The following PCED1B variants were observed in gnomAD, a reference collection of about 807,000 sequenced individuals.
PCED1B encodes the protein PC-esterase domain containing 1B.
For synonymous variants in PCED1B, 251 were observed against 246.1 expected, an observed-to-expected ratio of 1.02 and a Z score of -0.19; for missense variants, 573 against 573.9, an observed-to-expected ratio of 1.00 and a Z score of 0.02.
At chr12:47,135,926 G>A (rs1940343989) in intron 2 of PCED1B, 1 of 199,612 alleles carries the variant, frequency 5.0e-6, no homozygotes, top group East Asian at 1.3e-4. Flanking sequence ...ACCAGCTGTG[G>A]TTGGGTTGCT....
At chr12:47,143,571 G>C (rs1235599665) in intron 2 of PCED1B, among the ~76,000 whole-genome samples, 1 of 152,042 alleles carries the variant, frequency 6.6e-6, no homozygotes, top group Non-Finnish European at 1.5e-5. Flanking sequence ...ATTGATGAAA[G>C]AAATAAGGAA....
intron 2 of PCED1B, chr12:47,210,310 A>ATG (rs1943038317): frequency 6.6e-6 from 1 of 152,216 alleles, no homozygotes; most frequent in African/African-American, 2.4e-5. Context: ...ATGATACCAA[A>ATG]ATATAAAGTG....
At chr12:47,096,797 C>T (rs1938499509) in intron 1 of PCED1B, among the ~76,000 whole-genome samples, 1 of 152,144 alleles carries the variant, frequency 6.6e-6, no homozygotes, top group South Asian at 2.1e-4. Context: ...GCTTCTATTA[C>T]ATATATTAGA....
At chr12:47,160,225 T>C (rs1215271457) in intron 2 of PCED1B, among the ~76,000 whole-genome samples, 2 of 151,934 alleles carry the variant, frequency 1.3e-5, no homozygotes, top group Non-Finnish European at 2.9e-5. Context: ...GTTCATGAAG[T>C]CCAATTTGTT....
intron 1 of PCED1B, among the ~76,000 whole-genome samples, chr12:47,094,526 AT>A (rs914277527): frequency 1.6e-4 from 24 of 149,704 alleles, no homozygotes; most frequent in Non-Finnish European, 2.1e-4. Context: ...TCTTTCCTCT[AT>A]TTTTTTAATT....
In PCED1B at chr12:47,089,461, CATATATATATATATATAT is replaced by C. The variant is rs1217283440; in HGVS notation, c.-609+9751_-609+9768del. Among the ~76,000 whole-genome samples, 15 of 63,414 alleles carry C rather than the reference CATATATATATATATATAT, an allele frequency of 2.4e-4. 1 individual carries two copies. The highest frequency in any genetic ancestry group is 8.7e-4 in the East Asian group (2 of 2,308). 41.6% of individuals were successfully genotyped at this position (63,414 alleles called of 152,430 possible). ...GACTCCATCTCAAAAAAAAAAAATACATATATATATATATATATATATATATATATATGTATATACCAA... is the reference window on the plus strand; with the variant it reads ...GACTCCATCTCAAAAAAAAAAAATACATATATATATATATGTATATACCAA... On this transcript the variant is annotated intron_variant, in intron 1 of 3. Transcript: ENST00000546455.
intron 3 of PCED1B, among the ~76,000 whole-genome samples, chr12:47,232,251 A>T (rs1943830810): frequency 6.6e-6 from 1 of 152,186 alleles, no homozygotes; most frequent in Admixed American, 6.5e-5. Flanking sequence ...TCAGTCTTCC[A>T]AAGTGCTGGG....
intron 2 of PCED1B, among the ~76,000 whole-genome samples, chr12:47,212,528 T>A (rs1943125049): frequency 6.6e-6 from 1 of 152,152 alleles, no homozygotes; most frequent in Admixed American, 6.6e-5. Flanking sequence ...ATTCAGACAG[T>A]TGCTCAATCT....
At chr12:47,168,328 C>G (rs1048887253) in intron 2 of PCED1B, among the ~76,000 whole-genome samples, 2 of 152,138 alleles carry the variant, frequency 1.3e-5, no homozygotes, top group Non-Finnish European at 2.9e-5. Flanking sequence ...CATTTATTCC[C>G]TGTAGGTTTT....
At chr12:47,233,786 G>T (rs1156451414) in intron 3 of PCED1B, among the ~76,000 whole-genome samples, 1 of 152,104 alleles carries the variant, frequency 6.6e-6, no homozygotes, top group African/African-American at 2.4e-5. Context: ...GTTGCTTTCT[G>T]CTCAAAATAA....
At chr12:47,194,900 GTTA>G (rs1249915207) in intron 2 of PCED1B, among the ~76,000 whole-genome samples, 3 of 152,118 alleles carry the variant, frequency 2.0e-5, no homozygotes, top group African/African-American at 7.2e-5. Flanking sequence ...CTTCTTTAAA[GTTA>G]TTATCTTCAT....
In PCED1B at chr12:47,182,103, C is replaced by T. The variant is rs187027954; in HGVS notation, c.-525-34119C>T. ...TTAGAAATCCTAAAACTGAAGAGCA[C>T]CAGTGAAACTTGAAGATGGTTCAGA... is the stretch of plus-strand genomic sequence containing the variant. On this transcript the variant is annotated intron_variant, in intron 2 of 3. Transcript: ENST00000546455. Among the ~76,000 whole-genome samples the T allele has an allele frequency of 7.9e-5, 12 of 152,310 alleles. No homozygotes were observed. The East Asian group carries it at 2.3e-3, about 29-fold the overall frequency.
In PCED1B at chr12:47,235,501, G is replaced by A; in HGVS notation, c.438G>A (p.Leu146=). The A allele has an allele frequency of 6.2e-7, 1 of 1,613,180 alleles. No homozygotes were observed. The highest frequency in any genetic ancestry group is 8.5e-7 in the Non-Finnish European group (1 of 1,179,394). The change falls in exon 4 of 4, where the codon CTG becomes CTA. Residue 146 remains leucine (L), a synonymous_variant. Transcript: ENST00000546455. ...WRSYLENLEN[L]FQCLGQVLPE... ...GCTACCTGGAGAACCTGGAGAACCT[G>A]TTCCAGTGCCTGGGCCAGGTGCTGC...
At chr12:47,090,241 G>A (rs1592129798) in intron 1 of PCED1B, among the ~76,000 whole-genome samples, 1 of 152,226 alleles carries the variant, frequency 6.6e-6, no homozygotes. Context: ...ACACAAGAGA[G>A]GCAAATGGAC....
intron 3 of PCED1B, among the ~76,000 whole-genome samples, chr12:47,229,792 T>C (rs1057301306): frequency 6.6e-6 from 1 of 151,794 alleles, no homozygotes; most frequent in Admixed American, 6.6e-5. Flanking sequence ...TTTTTTGAGA[T>C]GGAGTCTCTC....
chr12:47,085,131 A>G (rs7964534), intron 1 of PCED1B, among the ~76,000 whole-genome samples: 96,540 of 152,148 alleles, frequency 0.63, 31,569 homozygotes, highest in South Asian at 0.74. Flanking sequence ...GTGACAGAGC[A>G]AGACTCCGTC....
chr12:47,108,757 C>T (rs1428397703), intron 2 of PCED1B, among the ~76,000 whole-genome samples: 2 of 152,088 alleles, frequency 1.3e-5, no homozygotes, highest in Admixed American at 1.3e-4. Flanking sequence ...AACTTCATGC[C>T]TCTGATTAAT....
At chr12:47,120,574 G>T (rs924089475) in intron 2 of PCED1B, among the ~76,000 whole-genome samples, 2 of 152,074 alleles carry the variant, frequency 1.3e-5, no homozygotes, top group African/African-American at 4.8e-5. Context: ...GGCTGAGGTG[G>T]GAGGATCACC....
rs79159596 is a variant in PCED1B at position 47,101,443 on chromosome 12, C to T, written c.-608-2670C>T. 3.3e-3 allele frequency among the ~76,000 whole-genome samples: 502 copies of T among 152,314 alleles called. 5 individuals are homozygous for T. Among genetic ancestry groups the T allele is most frequent in the African/African-American group, 0.012 (487 of 41,566 alleles). On this transcript the variant is annotated intron_variant, in intron 1 of 3. Coordinates refer to ENST00000546455, the MANE Select transcript of PCED1B (RefSeq NM_138371.3). ...GTGCCTGAAATCTCTTTCTAAGACT[C>T]AATGACTGAGCCTTTTCCTATTGTT...
Sources: gnomAD v4.1 joint callset for allele counts (sites outside exome capture counted in the v4.1 genomes callset) on GRCh38, gnomAD v4.1.1 for gene constraint, MANE v1.5 for transcripts, NCBI Gene and HGNC (gene_info 2026-07-23, HGNC 2026-07-21) for gene names.